Variants in NAV3 observed in about 807,000 individuals in gnomAD.
The protein encoded by NAV3 is pore membrane and/or filament interacting like protein 1.
A neutral mutation model predicts 244.7 loss-of-function variants in NAV3; 87 were observed. The ratio of observed to expected loss-of-function variants is 0.36; its 90% confidence interval spans 0.30 to 0.42. NAV3 has a LOEUF of 0.42. Ranked by LOEUF, NAV3 falls within the 20% of genes least tolerant of loss-of-function variation. The pLI is 1.00. For missense variants in NAV3, 2,663 were observed against 2,893.3 expected (o/e 0.92, Z 1.83); for synonymous variants, 1,126 against 1,042.2 (o/e 1.08, Z -1.55).
At chr12:77,578,805 C>T (rs1040344383) in intron 2 of NAV3, among the ~76,000 whole-genome samples, 1 of 152,100 alleles carries the variant, frequency 6.6e-6, no homozygotes, top group African/African-American at 2.4e-5. Context: ...CTCACGCCCT[C>T]TCCATTGTTG....
intron 2 of NAV3, among the ~76,000 whole-genome samples, chr12:77,796,814 G>A (rs1223923182): frequency 6.6e-6 from 1 of 151,194 alleles, no homozygotes; most frequent in Non-Finnish European, 1.5e-5. Context: ...TGACTGTTAA[G>A]ACTTTTAGCA....
chr12:77,882,973 A>G (rs1230858929), intron 1 of NAV3, among the ~76,000 whole-genome samples: 1 of 152,178 alleles, frequency 6.6e-6, no homozygotes, highest in East Asian at 1.9e-4. Flanking sequence ...GGAAATGCTT[A>G]TACACTGTTG....
intron 1 of NAV3, among the ~76,000 whole-genome samples, chr12:77,895,723 T>G (rs1029086116): frequency 2.1e-4 from 31 of 147,388 alleles, no homozygotes; most frequent in Admixed American, 1.7e-3. Context: ...TACTACCACA[T>G]ATATGTACCC....
intron 18 of NAV3, among the ~76,000 whole-genome samples, chr12:78,132,312 A>G (rs1196017085): frequency 6.6e-6 from 1 of 152,150 alleles, no homozygotes; most frequent in Admixed American, 6.6e-5. Context: ...GATCAAATAC[A>G]TCCCTTACAT....
chr12:77,781,780 G>A (rs1228670379), intron 2 of NAV3, among the ~76,000 whole-genome samples: 1 of 152,176 alleles, frequency 6.6e-6, no homozygotes, highest in South Asian at 2.1e-4. Context: ...GTGCCCACAA[G>A]CATGGTTCTT....
intron 2 of NAV3, among the ~76,000 whole-genome samples, chr12:77,695,424 T>A (rs1368329029): frequency 6.6e-6 from 1 of 152,188 alleles, no homozygotes; most frequent in Non-Finnish European, 1.5e-5. Flanking sequence ...CCCCAGTGTA[T>A]ATTCTTGGCA....
intron 2 of NAV3, among the ~76,000 whole-genome samples, chr12:77,730,793 C>G (rs1232291693): frequency 7.0e-6 from 1 of 142,996 alleles, no homozygotes; most frequent in African/African-American, 2.6e-5. Context: ...TTAAAGAAGA[C>G]AAAAAAGCAC....
intron 7 of NAV3, among the ~76,000 whole-genome samples, chr12:78,001,601 G>A (rs1873320384): frequency 6.6e-6 from 1 of 152,150 alleles, no homozygotes. Context: ...AATCAGTAGA[G>A]AATTACAAAC....
At chr12:77,909,833 ATTTAC>A (rs1184378565) in intron 1 of NAV3, among the ~76,000 whole-genome samples, 4 of 152,098 alleles carry the variant, frequency 2.6e-5, no homozygotes, top group African/African-American at 7.2e-5. Flanking sequence ...TGGTATCACA[ATTTAC>A]TTTAGACACA....
At chr12:77,810,281 C>T (rs1169815585) in intron 2 of NAV3, among the ~76,000 whole-genome samples, 2 of 152,284 alleles carry the variant, frequency 1.3e-5, no homozygotes, top group Non-Finnish European at 2.9e-5. Context: ...ACGCCATTCT[C>T]CTGCCTCAGC....
intron 2 of NAV3, among the ~76,000 whole-genome samples, chr12:77,746,993 C>T (rs1316784673): frequency 6.6e-6 from 1 of 152,090 alleles, no homozygotes; most frequent in Non-Finnish European, 1.5e-5. Flanking sequence ...ATTTTGGTCT[C>T]CTAAAATGTT....
At chr12:78,070,133 A>G (rs966996211) in intron 12 of NAV3, among the ~76,000 whole-genome samples, 1 of 152,180 alleles carries the variant, frequency 6.6e-6, no homozygotes, top group African/African-American at 2.4e-5. Flanking sequence ...TGGACTAGCC[A>G]CATCTACCTG....
chr12:78,200,037 C>G (rs1468365600), intron 37 of NAV3, among the ~76,000 whole-genome samples: 1 of 152,008 alleles, frequency 6.6e-6, no homozygotes, highest in Non-Finnish European at 1.5e-5. Context: ...ACAGAAGTCT[C>G]TTTCACATTG....
chr12:77,809,684 CTT>C (rs377233539), intron 2 of NAV3, among the ~76,000 whole-genome samples: 2,488 of 152,284 alleles, frequency 0.016, 56 homozygotes, highest in African/African-American at 0.057. Context: ...ATGAGTTAGT[CTT>C]TTTTGTTTTC....
At chr12:77,732,907 T>A (rs1172985888) in intron 2 of NAV3, among the ~76,000 whole-genome samples, 1 of 151,984 alleles carries the variant, frequency 6.6e-6, no homozygotes, top group Non-Finnish European at 1.5e-5. Flanking sequence ...TGATGCACAT[T>A]TAAAGAGTAC....
At chr12:78,159,166 T>G in intron 22 of NAV3, 37 bp from the exon 23 acceptor site, 1 of 1,571,014 alleles carries the variant, frequency 6.4e-7, no homozygotes, top group Non-Finnish European at 8.7e-7. Context: ...CATAAGATTC[T>G]GACATTTAAA....
At chr12:77,900,977 T>A (rs1885218032) in intron 1 of NAV3, among the ~76,000 whole-genome samples, 2 of 152,202 alleles carry the variant, frequency 1.3e-5, no homozygotes, top group Admixed American at 1.3e-4. Context: ...ATTTCTCTGA[T>A]GATTAGTGAG....
At chr12:77,921,148 C>G (rs886200444) in intron 1 of NAV3, among the ~76,000 whole-genome samples, 3 of 151,902 alleles carry the variant, frequency 2.0e-5, no homozygotes, top group Non-Finnish European at 4.4e-5. Flanking sequence ...GCTAGGGTAA[C>G]TATTTTGAGG....
chr12:77,741,949 T>G (rs1473977278), intron 2 of NAV3, among the ~76,000 whole-genome samples: 1 of 152,086 alleles, frequency 6.6e-6, no homozygotes, highest in Non-Finnish European at 1.5e-5. Context: ...TTTATTTAAT[T>G]TGTATTCCTT....
Sources: gnomAD v4.1 joint callset for allele counts (sites outside exome capture counted in the v4.1 genomes callset) on GRCh38, gnomAD v4.1.1 for gene constraint, MANE v1.5 for transcripts, NCBI Gene and HGNC (gene_info 2026-07-23, HGNC 2026-07-21) for gene names.